Variants in POMZP3 observed in about 807,000 individuals in gnomAD.
POMZP3 encodes POM121 and ZP3 fusion protein.
Under a neutral mutation model 19.8 loss-of-function variants are expected in POMZP3, and 10 were observed. The observed-to-expected ratio is 0.51, with a 90% CI of 0.31 to 0.86. The LOEUF (loss-of-function observed/expected upper bound fraction) is 0.86. Among genes scored for constraint, POMZP3 ranks in the 40% least tolerant of loss-of-function variants. The pLI is 0.04. For missense variants in POMZP3, 152 were observed against 228.1 expected (o/e 0.67, Z 2.15); for synonymous variants, 57 against 85.8 (o/e 0.66, Z 1.85).
chr7:76,612,921 T>G (rs1399323880), intron 4 of POMZP3, among the ~76,000 whole-genome samples: 4 of 82,456 alleles, frequency 4.9e-5, no homozygotes, highest in Non-Finnish European at 9.4e-5. Context: ...GTTTTTTTTT[T>G]GTTTTTTTTT....
At chr7:76,624,306 T>G (rs1408243512) in intron 3 of POMZP3, among the ~76,000 whole-genome samples, 1 of 151,404 alleles carries the variant, frequency 6.6e-6, no homozygotes, top group East Asian at 2.0e-4. Flanking sequence ...CCCAGCACTT[T>G]GGGAGGCTGA....
At chr7:76,616,127 T>C (rs1815276196) in intron 4 of POMZP3, among the ~76,000 whole-genome samples, 1 of 133,160 alleles carries the variant, frequency 7.5e-6, no homozygotes, top group Non-Finnish European at 1.6e-5. Context: ...TACTAAGAAA[T>C]ACAAGGATTA....
chr7:76,620,484 T>C (rs1815492480), intron 3 of POMZP3, among the ~76,000 whole-genome samples: 1 of 150,864 alleles, frequency 6.6e-6, no homozygotes, highest in Admixed American at 6.6e-5. Context: ...TCTTTTGTTT[T>C]TGAGATGGAG....
At chr7:76,622,536 T>C (rs1393100680) in intron 3 of POMZP3, among the ~76,000 whole-genome samples, 1 of 150,896 alleles carries the variant, frequency 6.6e-6, no homozygotes, top group Non-Finnish European at 1.5e-5. Flanking sequence ...GCTGTAATTT[T>C]TGTATTTTTA....
In POMZP3 at chr7:76,625,665, G is replaced by T. The variant is rs1454483873; in HGVS notation, c.84C>A (p.Ser28Arg). ...SRSAIPEQIISSTLSSPSSNA... is the reference protein window; with the variant it reads ...SRSAIPEQIIRSTLSSPSSNA... ...TACTTGATGGTGAGGACAGTGTTGA[G>T]CTGATTATCTGCTCTGGTCTATAAT... The change falls in exon 3 of 7, where the codon AGC becomes AGA. Residue 28 changes from serine to arginine, a missense_variant. This residue lies in a region of POMZP3 where 70 missense variants were observed against 64.1 expected (regional missense o/e 1.09). Transcript: ENST00000310842. The T allele has an allele frequency of 1.2e-6, 2 of 1,613,884 alleles. No individual in the cohort carries two copies. Among genetic ancestry groups the T allele is most frequent in the African/African-American group, 1.3e-5 (1 of 75,024 alleles).
chr7:76,620,747 CG>C (rs1815508352), intron 3 of POMZP3, among the ~76,000 whole-genome samples: 1 of 151,688 alleles, frequency 6.6e-6, no homozygotes, highest in African/African-American at 2.4e-5. Context: ...GGATTACAGG[CG>C]TGAGTCACCT....
At chr7:76,624,762 T>A (rs540948286) in intron 3 of POMZP3, among the ~76,000 whole-genome samples, 1 of 151,602 alleles carries the variant, frequency 6.6e-6, no homozygotes, top group African/African-American at 2.4e-5. Flanking sequence ...TTGGTTTTAA[T>A]CTCATTACTG....
At chr7:76,623,184 G>GT (rs996416306) in intron 3 of POMZP3, among the ~76,000 whole-genome samples, 17 of 120,456 alleles carry the variant, frequency 1.4e-4, no homozygotes, top group East Asian at 1.1e-3. Flanking sequence ...AATTGATTGT[G>GT]GTTTTTTTTT....
chr7:76,622,371 C>G (rs1268514033), intron 3 of POMZP3, among the ~76,000 whole-genome samples: 1 of 117,688 alleles, frequency 8.5e-6, no homozygotes, highest in African/African-American at 3.4e-5. Context: ...CTATCATTCT[C>G]AAGTTTTTTT....
At chr7:76,625,934 G>C in intron 2 of POMZP3, 66 bp downstream of exon 2, 1 of 1,600,766 alleles carries the variant, frequency 6.2e-7, no homozygotes, top group Non-Finnish European at 8.5e-7. Context: ...TGTTGTCATA[G>C]GAACAACTGG....
intron 3 of POMZP3, among the ~76,000 whole-genome samples, chr7:76,623,814 A>AAGAG (rs896759441): frequency 6.6e-5 from 10 of 151,876 alleles, no homozygotes; most frequent in Middle Eastern, 3.4e-3. Context: ...AAAAAAAAGA[A>AAGAG]AGAGAGAGAG....
intron 3 of POMZP3, among the ~76,000 whole-genome samples, chr7:76,621,896 C>T (rs529398107): frequency 1.5e-4 from 17 of 115,642 alleles, no homozygotes; most frequent in East Asian, 2.4e-4. Context: ...GCCGAGATAG[C>T]GCTACTGCAC....
At chr7:76,624,964 C>A (rs1455369372) in intron 3 of POMZP3, among the ~76,000 whole-genome samples, 1 of 151,090 alleles carries the variant, frequency 6.6e-6, no homozygotes, top group South Asian at 2.1e-4. Flanking sequence ...AACCCTGTCT[C>A]TACTAAAAAT....
At chr7:76,624,207 A>G (rs1020496655) in intron 3 of POMZP3, among the ~76,000 whole-genome samples, 2 of 138,342 alleles carry the variant, frequency 1.4e-5, no homozygotes, top group African/African-American at 5.6e-5. Context: ...ATCTCATGAA[A>G]GGAATTTGGT....
At chr7:76,621,655 T>C (rs1161676194) in intron 3 of POMZP3, among the ~76,000 whole-genome samples, 16 of 151,588 alleles carry the variant, frequency 1.1e-4, no homozygotes, top group Non-Finnish European at 2.1e-4. Context: ...CAGGTTGCAG[T>C]GATGGCCGGG....
Position 76,625,694 on chromosome 7 carries a change from A to C in POMZP3, c.66-11T>G, listed in dbSNP as rs775398745. 1 of 1,611,902 alleles carries C rather than the reference A, an allele frequency of 6.2e-7. No individual in the cohort carries two copies. Among genetic ancestry groups the C allele is most frequent in the South Asian group, 1.1e-5 (1 of 90,662 alleles). On this transcript the variant is annotated splice_polypyrimidine_tract_variant and intron_variant, in intron 2 of 6. Transcript: ENST00000310842. The stretch of plus-strand genomic sequence containing the variant: ...ATTATCTGCTCTGGTCTATAATGAA[A>C]GACAGGATTCTAGCAGTAAGATATT...
At chr7:76,618,632 A>C in intron 3 of POMZP3, 1 of 313,850 alleles carries the variant, frequency 3.2e-6, no homozygotes, top group Non-Finnish European at 6.2e-6. Context: ...AAAAGAAAAA[A>C]AAGGAACGTT....
In POMZP3 at chr7:76,626,136, G is replaced by C. The variant is rs550559031; in HGVS notation, c.-72C>G. ...CAGCACACTGTGGGAAGTACCCCCG[G>C]ACAGGAATACTGGGCCTGATGGATC... On this transcript the variant is annotated 5_prime_UTR_variant, in exon 2 of 7. Transcript: ENST00000310842. 117 of 1,610,258 alleles carry C rather than the reference G, an allele frequency of 7.3e-5. 1 individual carries two copies. The African/African-American group carries it at 1.3e-3, about 18-fold the overall frequency.
rs937891248 is a variant in POMZP3, at chr7:76,625,546, A to C, written c.203T>G (p.Leu68Arg). The C allele has an allele frequency of 8.7e-6, 14 of 1,613,466 alleles. 1 individual carries two copies. The highest frequency in any genetic ancestry group is 1.1e-5 in the Non-Finnish European group (13 of 1,179,660). Reference protein sequence around the residue: ...RTVEEEDQIFLDGQENKRSCL... With the variant: ...RTVEEEDQIFRDGQENKRSCL... Reference sequence around the variant, plus strand: ...CCTTCTTTTATTTTCCTGGCCATCAAGGAATATTTGGTCTTCTTCCTCCAC... The same window carrying C: ...CCTTCTTTTATTTTCCTGGCCATCACGGAATATTTGGTCTTCTTCCTCCAC... Residue 68 changes from leucine to arginine, a missense_variant, in exon 3 of 7, where the codon CTT becomes CGT. Around this residue, in one of 4 missense-constraint regions of POMZP3, gnomAD observed 17 missense variants for 38.1 expected, o/e 0.45. Coordinates refer to ENST00000310842, the MANE Select transcript of POMZP3 (RefSeq NM_012230.5).
Sources: allele counts gnomAD v4.1 joint callset (sites outside exome capture counted in the v4.1 genomes callset), GRCh38; gene constraint gnomAD v4.1.1; regional missense constraint gnomAD v4.1.1; transcripts MANE v1.5; gene names NCBI Gene and HGNC (gene_info 2026-07-23, HGNC 2026-07-21).